Variants in JAKMIP2 observed in about 807,000 individuals in gnomAD.
The protein encoded by JAKMIP2 is janus kinase and microtubule-interacting protein 2.
Under a neutral mutation model 115.0 loss-of-function variants are expected in JAKMIP2, and 25 were observed. That is an observed-to-expected ratio of 0.22 (90% CI 0.16 to 0.30). The LOEUF (loss-of-function observed/expected upper bound fraction) is 0.30, where lower values mean the gene tolerates loss of function less well. Ranked by LOEUF, JAKMIP2 falls within the 10% of genes least tolerant of loss-of-function variation. The pLI, the probability that JAKMIP2 is intolerant of heterozygous loss-of-function variation, is 1.00. For missense variants in JAKMIP2, 642 were observed against 957.6 expected, an observed-to-expected ratio of 0.67 and a Z score of 4.35; for synonymous variants, 334 against 343.6, an observed-to-expected ratio of 0.97 and a Z score of 0.31.
chr5:147,607,593 T>A (rs1453665201), intron 20 of JAKMIP2, among the ~76,000 whole-genome samples: 1 of 152,236 alleles, frequency 6.6e-6, no homozygotes, highest in South Asian at 2.1e-4. Flanking sequence ...TTATTGAGGA[T>A]TGTCACAACG....
intron 17 of JAKMIP2, 98 bp from the exon 18 acceptor site, chr5:147,620,841 C>A: frequency 1.2e-6 from 1 of 844,980 alleles, no homozygotes; most frequent in Non-Finnish European, 1.9e-6. Flanking sequence ...TACCATAAGA[C>A]AAATCACTAG....
chr5:147,638,636 A>G (rs1033173776), intron 10 of JAKMIP2, among the ~76,000 whole-genome samples: 5 of 151,998 alleles, frequency 3.3e-5, no homozygotes, highest in African/African-American at 1.2e-4. Context: ...GTAGTTCTAC[A>G]AAACTCCTCA....
intron 1 of JAKMIP2, among the ~76,000 whole-genome samples, chr5:147,754,499 A>G (rs1754675079): frequency 6.6e-6 from 1 of 152,196 alleles, no homozygotes; most frequent in Non-Finnish European, 1.5e-5. Context: ...ATGGTGGCAG[A>G]GCTGAGAGAA....
At chr5:147,705,118 T>G (rs1752512475) in intron 1 of JAKMIP2, among the ~76,000 whole-genome samples, 1 of 152,218 alleles carries the variant, frequency 6.6e-6, no homozygotes, top group East Asian at 1.9e-4. Flanking sequence ...TCCTCTGGTT[T>G]CTTAAAATGC....
intron 21 of JAKMIP2, among the ~76,000 whole-genome samples, chr5:147,593,872 C>A (rs958220673): frequency 5.9e-5 from 9 of 152,160 alleles, no homozygotes; most frequent in Non-Finnish European, 2.9e-5. Context: ...ATAAAAAATT[C>A]TTCAGGGATG....
intron 2 of JAKMIP2, among the ~76,000 whole-genome samples, chr5:147,662,161 T>TACACACAC (rs61492351): frequency 0.016 from 2,412 of 147,102 alleles, 29 homozygotes; most frequent in African/African-American, 0.023. Flanking sequence ...CCCCAAGTTT[T>TACACACAC]ACACACACAC....
At chr5:147,748,848 A>C (rs1255008047) in intron 1 of JAKMIP2, among the ~76,000 whole-genome samples, 1 of 152,150 alleles carries the variant, frequency 6.6e-6, no homozygotes, top group African/African-American at 2.4e-5. Flanking sequence ...CCCCAAGCTC[A>C]TCCATAAAAC....
intron 1 of JAKMIP2, among the ~76,000 whole-genome samples, chr5:147,775,665 G>A (rs1484934310): frequency 2.0e-5 from 3 of 152,116 alleles, no homozygotes; most frequent in African/African-American, 7.2e-5. Flanking sequence ...CTGAGGATGT[G>A]AATGCAATTC....
At chr5:147,664,442 T>TG (rs1424987626) in intron 2 of JAKMIP2, among the ~76,000 whole-genome samples, 3 of 152,084 alleles carry the variant, frequency 2.0e-5, no homozygotes, top group South Asian at 4.2e-4. Context: ...GTGCTCTAGG[T>TG]GGGGGGGATT....
At chr5:147,715,720 T>A (rs938304089) in intron 1 of JAKMIP2, among the ~76,000 whole-genome samples, 2 of 151,218 alleles carry the variant, frequency 1.3e-5, no homozygotes, top group South Asian at 4.2e-4. Flanking sequence ...GTAGTAGGAG[T>A]TTTTTCCTAA....
At chr5:147,695,158 GA>G (rs1752045746) in intron 1 of JAKMIP2, among the ~76,000 whole-genome samples, 1 of 152,126 alleles carries the variant, frequency 6.6e-6, no homozygotes, top group Admixed American at 6.5e-5. Flanking sequence ...CTTATGGAAT[GA>G]TTTTTTTTGT....
intron 21 of JAKMIP2, among the ~76,000 whole-genome samples, chr5:147,598,425 C>CATCTATCT (rs71001444): frequency 0.15 from 22,417 of 148,292 alleles, 1,860 homozygotes; most frequent in East Asian, 0.24. Flanking sequence ...CTCTCATTTT[C>CATCTATCT]ATCTATCTAT....
At chr5:147,744,682 T>C (rs1011012504) in intron 1 of JAKMIP2, among the ~76,000 whole-genome samples, 1 of 152,256 alleles carries the variant, frequency 6.6e-6, no homozygotes, top group African/African-American at 2.4e-5. Context: ...TACAAAAATA[T>C]AAACATTTAA....
intron 20 of JAKMIP2, among the ~76,000 whole-genome samples, chr5:147,607,876 T>C (rs1273414873): frequency 1.3e-5 from 2 of 152,176 alleles, no homozygotes; most frequent in African/African-American, 4.8e-5. Context: ...TATTCAGGGA[T>C]TTGACTTCTT....
At chr5:147,688,446 G>C (rs1760675279) in intron 1 of JAKMIP2, among the ~76,000 whole-genome samples, 1 of 152,174 alleles carries the variant, frequency 6.6e-6, no homozygotes, top group African/African-American at 2.4e-5. Context: ...AGGGGATTTG[G>C]TGCCTAGATC....
chr5:147,641,683 C>G (rs1056926827), intron 8 of JAKMIP2, 25 bp downstream of exon 8: 1 of 1,558,130 alleles, frequency 6.4e-7, no homozygotes, highest in African/African-American at 1.4e-5. Context: ...GTGGCAAATG[C>G]CTGATAACTT....
intron 1 of JAKMIP2, among the ~76,000 whole-genome samples, chr5:147,774,102 A>G (rs1424416591): frequency 6.6e-6 from 1 of 152,220 alleles, no homozygotes; most frequent in Non-Finnish European, 1.5e-5. Context: ...TAAAAATAAT[A>G]TATTCTCTAA....
chr5:147,700,656 CT>C (rs1401280455), intron 1 of JAKMIP2, among the ~76,000 whole-genome samples: 2 of 152,144 alleles, frequency 1.3e-5, no homozygotes, highest in Non-Finnish European at 1.5e-5. Context: ...CTACTAAAAG[CT>C]TTGATCAGAA....
intron 1 of JAKMIP2, among the ~76,000 whole-genome samples, chr5:147,779,966 A>C (rs1176256075): frequency 6.6e-6 from 1 of 152,184 alleles, no homozygotes; most frequent in Non-Finnish European, 1.5e-5. Flanking sequence ...ATAATTCCTC[A>C]TAAAGTTGAA....
Sources: allele counts gnomAD v4.1 joint callset (sites outside exome capture counted in the v4.1 genomes callset), GRCh38; gene constraint gnomAD v4.1.1; transcripts MANE v1.5; gene names NCBI Gene and HGNC (gene_info 2026-07-23, HGNC 2026-07-21).